The following C7 variants were observed in gnomAD, a reference collection of about 807,000 sequenced individuals.
C7 encodes complement C7.
In C7, 83 loss-of-function variants were observed where a neutral mutation model predicts 104.8. The ratio of observed to expected loss-of-function variants is 0.79; its 90% CI spans 0.66 to 0.95. The LOEUF (loss-of-function observed/expected upper bound fraction) is 0.95, where lower values mean the gene tolerates loss of function less well. C7 is among the 40% of genes least tolerant of loss of function. The pLI, the probability that C7 is intolerant of heterozygous loss-of-function variation, is 0.00. For synonymous variants in C7, 415 were observed against 360.6 expected, an observed-to-expected ratio of 1.15 and a Z score of -1.71; for missense variants, 1,070 against 1,011.2, an observed-to-expected ratio of 1.06 and a Z score of -0.79.
chr5:40,974,606 G>A (rs987819886), intron 15 of C7, among the ~76,000 whole-genome samples: 1 of 151,988 alleles, frequency 6.6e-6, no homozygotes, highest in Admixed American at 6.6e-5. Context: ...TTTTAGCAGA[G>A]ACGGGGTTTC....
chr5:40,952,067 G>A (rs1479213228), intron 9 of C7, among the ~76,000 whole-genome samples: 1 of 152,232 alleles, frequency 6.6e-6, no homozygotes, highest in Non-Finnish European at 1.5e-5. Context: ...AGAGCTTTGA[G>A]AAGATGTTGA....
At chr5:40,913,471 G>A (rs1739254506) in intron 1 of C7, among the ~76,000 whole-genome samples, 1 of 151,864 alleles carries the variant, frequency 6.6e-6, no homozygotes, top group Non-Finnish European at 1.5e-5. Context: ...ACTTATCTCT[G>A]CATTCCTACC....
intron 9 of C7, chr5:40,954,925 A>G: frequency 3.5e-6 from 1 of 285,170 alleles, no homozygotes; most frequent in Non-Finnish European, 6.7e-6. Context: ...CAAAAATAAA[A>G]TAAATATAGC....
At chr5:40,975,366 C>CTTTTTTTTTTTTTTT (rs1162765793) in intron 15 of C7, among the ~76,000 whole-genome samples, 1 of 142,012 alleles carries the variant, frequency 7.0e-6, no homozygotes. Flanking sequence ...GAGAAGTGTG[C>CTTTTTTTTTTTTTTT]TTTTTTTTTT....
At chr5:40,918,917 T>C (rs1312128990) in intron 1 of C7, among the ~76,000 whole-genome samples, 3 of 150,478 alleles carry the variant, frequency 2.0e-5, no homozygotes, top group Non-Finnish European at 4.4e-5. Context: ...ACATTGGATT[T>C]GAAAATCGCT....
intron 6 of C7, among the ~76,000 whole-genome samples, chr5:40,943,139 T>C (rs940085378): frequency 2.0e-5 from 3 of 152,248 alleles, no homozygotes; most frequent in Non-Finnish European, 4.4e-5. Flanking sequence ...GTTAAATCCA[T>C]TGGCAAGAGA....
chr5:40,955,049 T>A (rs970048425), intron 9 of C7: 1 of 266,570 alleles, frequency 3.8e-6, no homozygotes, highest in Non-Finnish European at 7.1e-6. Flanking sequence ...CAACATCTCC[T>A]AACAGAGTGG....
intron 1 of C7, among the ~76,000 whole-genome samples, chr5:40,926,629 G>A (rs530194858): frequency 9.9e-5 from 15 of 152,204 alleles, no homozygotes; most frequent in African/African-American, 3.4e-4. Flanking sequence ...TGAACTATGT[G>A]AGAAAGACAT....
chr5:40,969,895 T>C (rs899583647), intron 14 of C7, among the ~76,000 whole-genome samples: 5 of 152,164 alleles, frequency 3.3e-5, no homozygotes, highest in African/African-American at 9.7e-5. Context: ...GCCTTGTTAG[T>C]GCTCTGATTC....
chr5:40,929,587 C>T (rs561164123), intron 2 of C7, among the ~76,000 whole-genome samples: 12 of 152,168 alleles, frequency 7.9e-5, no homozygotes, highest in South Asian at 2.1e-4. Context: ...ATTGCCCAGC[C>T]GAGGAATGTG....
Position 40,945,186 on chromosome 5 carries a change from T to C in C7, c.568-12T>C. On this transcript the variant is annotated splice_polypyrimidine_tract_variant and intron_variant, in intron 6 of 17. Transcript: ENST00000313164. ...AATTTAGTCATAGCAAAATTTTTCA[T>C]TTTCTTTGTAGGTGAAAATAAATAA... 3 of 1,415,212 alleles carry C rather than the reference T, an allele frequency of 2.1e-6. No homozygotes were observed. The highest frequency in any genetic ancestry group is 2.9e-6 in the Non-Finnish European group (3 of 1,049,346). 87.7% of individuals were successfully genotyped at this position (1,415,212 alleles called of 1,614,324 possible). A position where few individuals can be genotyped will look rare whatever the true frequency, so the allele number is the denominator to read the frequency against.
chr5:40,965,888 C>T (rs1475492869), intron 14 of C7, among the ~76,000 whole-genome samples: 1 of 151,652 alleles, frequency 6.6e-6, no homozygotes, highest in East Asian at 1.9e-4. Context: ...GGCAATCCAC[C>T]CATCTTGGCC....
rs939893309 is a variant in C7 at position 40,982,496 on chromosome 5, T to C, written c.*923T>C. On this transcript the variant is annotated 3_prime_UTR_variant, in exon 18 of 18. Transcript: ENST00000313164. Reference sequence around the variant, plus strand: ...AACCACTAAAATGTTAGAGCAGAATTCATTATGCTGTGGTCACAGGGGTGT... The same window carrying C: ...AACCACTAAAATGTTAGAGCAGAATCCATTATGCTGTGGTCACAGGGGTGT... The C allele has an allele frequency of 6.6e-6, 1 of 152,354 alleles. No individual in the cohort carries two copies. The highest frequency in any genetic ancestry group is 1.5e-5 in the Non-Finnish European group (1 of 68,054). 9.4% of individuals were successfully genotyped at this position (152,354 alleles called of 1,614,324 possible). A position where few individuals can be genotyped will look rare whatever the true frequency, so the allele number is the denominator to read the frequency against.
intron 15 of C7, among the ~76,000 whole-genome samples, chr5:40,976,380 C>T (rs1028386258): frequency 6.6e-6 from 1 of 152,194 alleles, no homozygotes; most frequent in Non-Finnish European, 1.5e-5. Context: ...TAAATGCTGC[C>T]TGGGCCAGTT....
intron 8 of C7, 110 bp downstream of exon 8, chr5:40,947,955 T>A: frequency 8.9e-7 from 1 of 1,129,752 alleles, no homozygotes; most frequent in Non-Finnish European, 1.3e-6. Flanking sequence ...AACAGAAATT[T>A]AAATTGCAAA....
chr5:40,922,374 C>CAAAAAAAA lies in C7; in HGVS notation c.7-6186_7-6179dup, dbSNP rs869109946. ...TGGGCAACAGAGTGAGACTCTGTCT[C>CAAAAAAAA]AAAAAAAAAAAAAAAAAAAAAAAAA... On this transcript the variant is annotated intron_variant, in intron 1 of 17. Transcript: ENST00000313164. Among the ~76,000 whole-genome samples, 24 of 43,076 alleles carry CAAAAAAAA rather than the reference C, an allele frequency of 5.6e-4. 1 individual carries two copies. Among genetic ancestry groups the CAAAAAAAA allele is most frequent in the African/African-American group, 1.3e-3 (20 of 15,076 alleles). The allele number at this position is 43,076 out of a possible 152,430, so 28.3% of individuals were successfully genotyped here. A position where few individuals can be genotyped will look rare whatever the true frequency, so the allele number is the denominator to read the frequency against.
chr5:40,930,781 G>C (rs532927275), intron 2 of C7, among the ~76,000 whole-genome samples: 113 of 151,866 alleles, frequency 7.4e-4, no homozygotes, highest in Non-Finnish European at 1.5e-3. Context: ...GGCCAGCCTG[G>C]TCTCGAACTC....
intron 17 of C7, 113 bp downstream of exon 17, chr5:40,980,022 T>TA: frequency 2.2e-6 from 2 of 921,098 alleles, no homozygotes; most frequent in South Asian, 4.6e-5. Context: ...TTGAGGATGT[T>TA]AAAGACTCAG....
chr5:40,981,386 T>G lies in C7; in HGVS notation c.2351-6T>G. 3 of 1,607,932 alleles carry G rather than the reference T, an allele frequency of 1.9e-6. No homozygotes were observed. The highest frequency in any genetic ancestry group is 2.5e-6 in the Non-Finnish European group (3 of 1,177,138). On this transcript the variant is annotated splice_polypyrimidine_tract_variant and splice_region_variant and intron_variant, in intron 17 of 17. Coordinates refer to ENST00000313164, the MANE Select transcript of C7 (RefSeq NM_000587.4). The stretch of plus-strand genomic sequence containing the variant: ...ACCATTAAGCCTCTTTCACTTACTT[T>G]TCCAGCTGAGAGCAGCAAATGTGTC...
Sources: gnomAD v4.1 joint callset for allele counts (sites outside exome capture counted in the v4.1 genomes callset) on GRCh38, gnomAD v4.1.1 for gene constraint, MANE v1.5 for transcripts, NCBI Gene and HGNC (gene_info 2026-07-23, HGNC 2026-07-21) for gene names.